The following INPP4B variants were observed in gnomAD, a reference collection of about 807,000 sequenced individuals.
INPP4B encodes the protein inositol polyphosphate-4-phosphatase type II B, also known as inositol polyphosphate 4-phosphatase type II.
INPP4B carries 55 observed loss-of-function variants against 122.5 expected under a neutral mutation model. The ratio of observed to expected loss-of-function variants is 0.45; its 90% CI spans 0.36 to 0.56. INPP4B has a LOEUF of 0.56. INPP4B is among the 20% of genes least tolerant of loss of function. The pLI, the probability that INPP4B is intolerant of heterozygous loss-of-function variation, is 0.00. For synonymous variants in INPP4B, 403 were observed against 388.7 expected, an observed-to-expected ratio of 1.04 and a Z score of -0.43; for missense variants, 1,000 against 1,097.7, an observed-to-expected ratio of 0.91 and a Z score of 1.26.
chr4:142,225,119 G>A (rs1374081024), intron 12 of INPP4B, among the ~76,000 whole-genome samples: 1 of 152,116 alleles, frequency 6.6e-6, no homozygotes, highest in Non-Finnish European at 1.5e-5. Flanking sequence ...CCAATCGGCT[G>A]CCAAAGTGGC....
At chr4:142,140,757 G>A (rs1807349191) in intron 18 of INPP4B, among the ~76,000 whole-genome samples, 1 of 152,126 alleles carries the variant, frequency 6.6e-6, no homozygotes, top group African/African-American at 2.4e-5. Flanking sequence ...ATATAGTGGT[G>A]CTTAAATGTT....
intron 16 of INPP4B, among the ~76,000 whole-genome samples, chr4:142,167,897 G>C (rs1668871812): frequency 6.6e-6 from 1 of 150,854 alleles, no homozygotes; most frequent in African/African-American, 2.4e-5. Flanking sequence ...GTACAAATCT[G>C]TTATGAAATT....
At chr4:142,587,611 C>G (rs1484250502) in intron 2 of INPP4B, among the ~76,000 whole-genome samples, 1 of 152,026 alleles carries the variant, frequency 6.6e-6, no homozygotes, top group African/African-American at 2.4e-5. Context: ...TACATGCATG[C>G]AATGCATAAT....
At chr4:142,771,149 G>T (rs1017513895) in intron 1 of INPP4B, among the ~76,000 whole-genome samples, 5 of 152,064 alleles carry the variant, frequency 3.3e-5, no homozygotes, top group Non-Finnish European at 5.9e-5. Context: ...CAAAATGCAA[G>T]GACGAAGTTC....
chr4:142,630,186 A>C (rs1160559632), intron 2 of INPP4B, among the ~76,000 whole-genome samples: 1 of 152,098 alleles, frequency 6.6e-6, no homozygotes, highest in Non-Finnish European at 1.5e-5. Flanking sequence ...GAGGCATGAA[A>C]ACCAAGGGAG....
intron 7 of INPP4B, among the ~76,000 whole-genome samples, chr4:142,348,111 G>A (rs1294726684): frequency 2.6e-5 from 4 of 151,978 alleles, no homozygotes; most frequent in African/African-American, 4.8e-5. Flanking sequence ...GCTCCATCTT[G>A]CAAATAATAT....
At chr4:142,583,999 C>T (rs910252978) in intron 2 of INPP4B, among the ~76,000 whole-genome samples, 2 of 152,028 alleles carry the variant, frequency 1.3e-5, no homozygotes, top group African/African-American at 4.8e-5. Context: ...CTCCAGCTCT[C>T]GCCTCTCAGC....
chr4:142,339,087 T>C (rs1234648538), intron 7 of INPP4B, among the ~76,000 whole-genome samples: 3 of 152,198 alleles, frequency 2.0e-5, no homozygotes, highest in Admixed American at 6.5e-5. Flanking sequence ...TGGCCTTCTC[T>C]ACTCAGTTCT....
intron 2 of INPP4B, among the ~76,000 whole-genome samples, chr4:142,517,211 A>T (rs1334097281): frequency 6.6e-6 from 1 of 151,920 alleles, no homozygotes; most frequent in Admixed American, 6.6e-5. Flanking sequence ...TATTCTTCAA[A>T]TTTTTTTCCA....
At chr4:142,487,923 C>T (rs1337260038) in intron 2 of INPP4B, among the ~76,000 whole-genome samples, 3 of 151,976 alleles carry the variant, frequency 2.0e-5, no homozygotes, top group African/African-American at 4.8e-5. Context: ...TTTTTCTCAT[C>T]TTTTTGCATT....
chr4:142,376,766 A>G (rs898350374), intron 7 of INPP4B, among the ~76,000 whole-genome samples: 38 of 151,974 alleles, frequency 2.5e-4, no homozygotes, highest in Non-Finnish European at 7.4e-5. Context: ...CATGGTGGAA[A>G]ACTCTGAATC....
In INPP4B at chr4:142,678,121, T is replaced by C. The variant is rs538806680; in HGVS notation, c.-191+47718A>G. Among the ~76,000 whole-genome samples the C allele has an allele frequency of 6.8e-4, 104 of 152,048 alleles. 1 individual carries two copies. The highest frequency in any genetic ancestry group is 1.2e-3 in the Non-Finnish European group (79 of 67,926). On this transcript the variant is annotated intron_variant, in intron 2 of 25. Transcript: ENST00000262992. ...TATCTTTTCAGTAGAAATACAAATA[T>C]GAAGGCAGGCTATTATGACATTATT...
intron 1 of INPP4B, among the ~76,000 whole-genome samples, chr4:142,771,896 A>C (rs1773132470): frequency 6.6e-6 from 1 of 152,164 alleles, no homozygotes; most frequent in Non-Finnish European, 1.5e-5. Context: ...TTAGTCTTCA[A>C]TAACTTCCCA....
intron 7 of INPP4B, among the ~76,000 whole-genome samples, chr4:142,349,644 T>A (rs1038130048): frequency 1.3e-5 from 2 of 152,008 alleles, no homozygotes; most frequent in African/African-American, 2.4e-5. Context: ...AGATTTCCTA[T>A]ATATCCACAA....
intron 11 of INPP4B, among the ~76,000 whole-genome samples, chr4:142,259,271 G>T (rs1738324449): frequency 6.6e-6 from 1 of 151,642 alleles, no homozygotes; most frequent in Non-Finnish European, 1.5e-5. Context: ...GACTTAGTGG[G>T]TGCAGTGCAC....
At chr4:142,145,295 T>C (rs941873403) in intron 18 of INPP4B, among the ~76,000 whole-genome samples, 1 of 152,160 alleles carries the variant, frequency 6.6e-6, no homozygotes, top group African/African-American at 2.4e-5. Flanking sequence ...GTGTGCATGG[T>C]TTCACAAAAA....
At chr4:142,324,422 T>C (rs1771547159) in intron 7 of INPP4B, among the ~76,000 whole-genome samples, 1 of 152,096 alleles carries the variant, frequency 6.6e-6, no homozygotes. Context: ...TGTTAAGACA[T>C]TCCACTATAC....
At chr4:142,167,210 T>TTTA (rs1397711194) in intron 16 of INPP4B, among the ~76,000 whole-genome samples, 8 of 151,386 alleles carry the variant, frequency 5.3e-5, no homozygotes, top group Non-Finnish European at 8.9e-5. Flanking sequence ...TACTACACAG[T>TTTA]TATAAAAAGG....
At chr4:142,631,685 A>G (rs1163552151) in intron 2 of INPP4B, among the ~76,000 whole-genome samples, 1 of 152,134 alleles carries the variant, frequency 6.6e-6, no homozygotes, top group African/African-American at 2.4e-5. Context: ...ATATCTTAAG[A>G]GGTAGAAAAG....
Sources: allele counts gnomAD v4.1 joint callset (sites outside exome capture counted in the v4.1 genomes callset), GRCh38; gene constraint gnomAD v4.1.1; transcripts MANE v1.5; gene names NCBI Gene and HGNC (gene_info 2026-07-23, HGNC 2026-07-21).